SLC35F5: variants seen among roughly 807,000 people sequenced by gnomAD.
SLC35F5 encodes the protein HCV NS5A-transactivated protein 3.
Under a neutral mutation model 68.6 loss-of-function variants are expected in SLC35F5, and 54 were observed. That is an observed-to-expected ratio of 0.79 (90% confidence interval 0.63 to 0.99). The LOEUF (loss-of-function observed/expected upper bound fraction) is 0.99, where lower values mean the gene tolerates loss of function less well. Among genes scored for constraint, SLC35F5 ranks in the 50% least tolerant of loss-of-function variants. The pLI, the probability that SLC35F5 is intolerant of heterozygous loss-of-function variation, is 0.00. For missense variants in SLC35F5, 567 were observed against 626.9 expected, an observed-to-expected ratio of 0.90 and a Z score of 1.02; for synonymous variants, 211 against 205.2, an observed-to-expected ratio of 1.03 and a Z score of -0.24.
At chr2:113,716,988 T>G (rs1306113409) in intron 15 of SLC35F5, among the ~76,000 whole-genome samples, 1 of 152,202 alleles carries the variant, frequency 6.6e-6, no homozygotes, top group Non-Finnish European at 1.5e-5. Context: ...GAAAACTCAG[T>G]AGCAATCAAG....
downstream of SLC35F5, among the ~76,000 whole-genome samples, chr2:113,706,401 C>T (rs185865993): frequency 6.6e-6 from 1 of 152,284 alleles, no homozygotes; most frequent in Admixed American, 6.5e-5. Context: ...AGCTTTATGA[C>T]GGCTTCCTCC....
In SLC35F5 at chr2:113,734,715, A is replaced by G. The variant is rs1574242692; in HGVS notation, c.833-42T>C. 8.3e-6 allele frequency: 10 copies of G among 1,210,812 alleles called. No homozygotes were observed. The East Asian group carries it at 2.4e-4, about 29-fold the overall frequency. The allele number at this position is 1,210,812 out of a possible 1,614,324, so 75.0% of individuals were successfully genotyped here. A position where few individuals can be genotyped will look rare whatever the true frequency, so the allele number is the denominator to read the frequency against. On this transcript the variant is annotated intron_variant, in intron 8 of 15. Transcript: ENST00000245680. ...ATTTAAAAATGGTACATGAGTTTAA[A>G]TACTGTCAACATTTTTACTACCAAC...
chr2:113,735,427 G>A (rs1015969090), intron 8 of SLC35F5, among the ~76,000 whole-genome samples: 1 of 152,170 alleles, frequency 6.6e-6, no homozygotes, highest in Non-Finnish European at 1.5e-5. Flanking sequence ...CCTATTGCTT[G>A]TAGGCTACCA....
rs748097126 is a variant in SLC35F5 at position 113,750,469 on chromosome 2, T to TCCATGGCTTCCAAA, written c.359_372dup (p.Arg125PhefsTer37). On this transcript the variant is annotated frameshift_variant, in exon 4 of 16. Transcript: ENST00000245680. LOFTEE classifies it high-confidence loss of function. The stretch of plus-strand genomic sequence containing the variant: ...CGAAGTCCTCTTGTACACTGTTGTC[T>TCCATGGCTTCCAAA]CCATGGCTTCCAAATAATAAAGCCC... 6.2e-7 allele frequency: 1 copy of TCCATGGCTTCCAAA among 1,613,392 alleles called. No homozygotes were observed.
intron 15 of SLC35F5, among the ~76,000 whole-genome samples, chr2:113,715,729 T>C (rs141364165): frequency 4.3e-4 from 66 of 152,304 alleles, no homozygotes; most frequent in African/African-American, 1.4e-3. Context: ...AATAACATTT[T>C]TTCGTTCAGT....
intron 15 of SLC35F5, among the ~76,000 whole-genome samples, chr2:113,716,327 G>A (rs1687181222): frequency 6.6e-6 from 1 of 152,200 alleles, no homozygotes; most frequent in Non-Finnish European, 1.5e-5. Context: ...CCCAGGAGAA[G>A]ACTTTAAGGT....
chr2:113,722,458 T>C (rs1483039329), intron 13 of SLC35F5, among the ~76,000 whole-genome samples: 4 of 152,180 alleles, frequency 2.6e-5, no homozygotes, highest in African/African-American at 9.7e-5. Context: ...CTACATATAC[T>C]GAACTGTGTG....
rs745467728 is a variant in SLC35F5 at position 113,750,437 on chromosome 2, C to T, written c.405G>A (p.Lys135=). 1.1e-5 allele frequency: 17 copies of T among 1,598,790 alleles called. No individual in the cohort carries two copies. In the Middle Eastern group the frequency reaches 1.8e-3, roughly 173 times the overall value. The change falls in exon 4 of 16, where the codon AAG becomes AAA. Residue 135 remains lysine, a synonymous_variant. Coordinates refer to ENST00000245680, the MANE Select transcript of SLC35F5 (RefSeq NM_025181.5). ...ATTAAAAACTTACAAAAGCAGCATG[C>T]TTTCCGCGAAGTCCTCTTGTACACT... ...RQQCTRGLRG[K]HAAFFADAEG...
intron 10 of SLC35F5, among the ~76,000 whole-genome samples, chr2:113,729,836 T>A (rs1289743534): frequency 6.6e-6 from 1 of 152,200 alleles, no homozygotes; most frequent in Non-Finnish European, 1.5e-5. Context: ...GCATGTTTCT[T>A]ATTTTACCCT....
chr2:113,736,440 C>T (rs1359730557), intron 7 of SLC35F5, among the ~76,000 whole-genome samples: 1 of 137,962 alleles, frequency 7.2e-6, no homozygotes, highest in Admixed American at 7.2e-5. Context: ...GAGACCATTT[C>T]TCAAAAAATA....
intron 10 of SLC35F5, 124 bp downstream of exon 10, chr2:113,731,460 G>T: frequency 1.6e-6 from 1 of 610,938 alleles, no homozygotes. Context: ...ATTTCCAAAG[G>T]AAAAGTTCAA....
At position 113,755,453 on chromosome 2, in the gene SLC35F5, C is replaced by G. The variant is rs1387901539; in HGVS notation, c.131+1G>C. ...ACATAGAGGATAAACGTGGAATCTACCTTGTCTTAAGAGCCCTTCTGAGAT... is the reference window on the plus strand; with the variant it reads ...ACATAGAGGATAAACGTGGAATCTAGCTTGTCTTAAGAGCCCTTCTGAGAT... On this transcript the variant is annotated splice_donor_variant, in intron 2 of 15. Coordinates refer to ENST00000245680, the MANE Select transcript of SLC35F5 (RefSeq NM_025181.5). LOFTEE classifies it high-confidence loss of function. 6.2e-7 allele frequency: 1 copy of G among 1,614,032 alleles called. No individual in the cohort carries two copies. The highest frequency in any genetic ancestry group is 1.7e-5 in the Admixed American group (1 of 60,020).
chr2:113,739,802 CG>C (rs1688223423), intron 7 of SLC35F5, among the ~76,000 whole-genome samples: 1 of 152,064 alleles, frequency 6.6e-6, no homozygotes, highest in African/African-American at 2.4e-5. Context: ...TCCCCCAAAA[CG>C]TAACTACTGA....
intron 7 of SLC35F5, among the ~76,000 whole-genome samples, chr2:113,739,314 C>T (rs1484906715): frequency 2.0e-5 from 3 of 152,132 alleles, no homozygotes; most frequent in Non-Finnish European, 4.4e-5. Context: ...AGTTGTTGTG[C>T]TATTGTTTTT....
chr2:113,723,186 A>G lies in SLC35F5; in HGVS notation c.1259T>C (p.Phe420Ser). Residue 420 changes from phenylalanine to serine, a missense_variant, in exon 13 of 16, where the codon TTT becomes TCT. By Grantham distance (155) the Phe-to-Ser change is radical. Transcript: ENST00000245680. ...LSEFLWLWGC[F>S]LTSSLIGTLA... is the part of the protein sequence containing the mutation. ...TGTGCCTATCAATGATGAGGTAAGA[A>G]AGCAGCCCCTAAAAAAAAGAAAATA... The G allele has an allele frequency of 6.3e-7, 1 of 1,580,318 alleles. No homozygotes were observed. The highest frequency in any genetic ancestry group is 8.6e-7 in the Non-Finnish European group (1 of 1,165,806).
At chr2:113,732,481 G>C (rs915003993) in intron 9 of SLC35F5, among the ~76,000 whole-genome samples, 1 of 152,114 alleles carries the variant, frequency 6.6e-6, no homozygotes, top group African/African-American at 2.4e-5. Flanking sequence ...CAGTGTGGCA[G>C]TGGGAGAGGA....
Position 113,718,310 on chromosome 2 carries a change from G to A in SLC35F5, c.1497-460C>T, listed in dbSNP as rs909476131. On this transcript the variant is annotated intron_variant, in intron 14 of 15. Transcript: ENST00000245680. ...GATATGTTGCCCAGGCTGGTCTTGA[G>A]CTCCTAGCCTCAAGCAATTCTCCCA... Among the ~76,000 whole-genome samples, 3 of 151,768 alleles carry A rather than the reference G, an allele frequency of 2.0e-5. No individual in the cohort carries two copies. In the East Asian group the frequency reaches 5.8e-4, roughly 29 times the overall value.
intron 15 of SLC35F5, among the ~76,000 whole-genome samples, chr2:113,716,450 C>T (rs559416910): frequency 6.6e-6 from 1 of 152,252 alleles, no homozygotes; most frequent in South Asian, 2.1e-4. Flanking sequence ...AATATAAACA[C>T]TGACTACAGA....
chr2:113,723,364 T>C (rs1310507870), intron 12 of SLC35F5, among the ~76,000 whole-genome samples, 170 bp from the exon 13 acceptor site: 1 of 141,980 alleles, frequency 7.0e-6, no homozygotes, highest in Non-Finnish European at 1.6e-5. Flanking sequence ...TGATTCTCAG[T>C]TTTTCTTCAA....
Sources: gnomAD v4.1 joint callset for allele counts (sites outside exome capture counted in the v4.1 genomes callset) on GRCh38, gnomAD v4.1.1 for gene constraint, MANE v1.5 for transcripts, NCBI Gene and HGNC (gene_info 2026-07-23, HGNC 2026-07-21) for gene names.